IQGAP2: variants seen among roughly 807,000 people sequenced by gnomAD.
IQGAP2 encodes ras GTPase-activating-like protein IQGAP2.
IQGAP2 carries 173 observed loss-of-function variants against 201.3 expected under a neutral mutation model. The ratio of observed to expected loss-of-function variants is 0.86; its 90% CI spans 0.76 to 0.98. The LOEUF is 0.98. Among genes scored for constraint, IQGAP2 ranks in the 50% least tolerant of loss-of-function variants. The probability of loss-of-function intolerance (pLI) is 0.00; values close to 1 mark genes in which losing one functional copy is unlikely to be tolerated. For synonymous variants in IQGAP2, 675 were observed against 673.9 expected (o/e 1.00, Z -0.03); for missense variants, 1,687 against 1,864.8 (o/e 0.90, Z 1.76).
At chr5:76,699,068 C>A (rs1165217207) in intron 33 of IQGAP2, among the ~76,000 whole-genome samples, 2 of 151,114 alleles carry the variant, frequency 1.3e-5, no homozygotes, top group East Asian at 3.9e-4. Context: ...CAATAGATTT[C>A]AAAAAAAAAC....
At chr5:76,644,769 AACTT>A (rs1751894381) in intron 17 of IQGAP2, among the ~76,000 whole-genome samples, 1 of 152,330 alleles carries the variant, frequency 6.6e-6, no homozygotes, top group East Asian at 1.9e-4. Context: ...AAGGAACTAA[AACTT>A]ACAGACTAAA....
At chr5:76,582,819 T>C (rs62362011) in intron 5 of IQGAP2, among the ~76,000 whole-genome samples, 25,692 of 151,188 alleles carry the variant, frequency 0.17, 2,349 homozygotes, top group Admixed American at 0.29. Context: ...ACTACTTTCA[T>C]GATATACACT....
chr5:76,461,158 G>C (rs569394361), intron 1 of IQGAP2, among the ~76,000 whole-genome samples: 1 of 151,846 alleles, frequency 6.6e-6, no homozygotes, highest in Admixed American at 6.6e-5. Flanking sequence ...GATTACAGGC[G>C]TGAGCCGCCG....
At chr5:76,432,158 C>T (rs1163286053) in intron 1 of IQGAP2, among the ~76,000 whole-genome samples, 2 of 72,386 alleles carry the variant, frequency 2.8e-5, no homozygotes, top group African/African-American at 9.8e-5. Context: ...TGGAGTCTTG[C>T]TCTGTCACCC....
intron 13 of IQGAP2, chr5:76,624,585 G>A (rs988853032): frequency 6.6e-6 from 1 of 151,868 alleles, no homozygotes; most frequent in African/African-American, 2.4e-5. Flanking sequence ...ATTGACAAAG[G>A]TTTTTTTTGT....
intron 1 of IQGAP2, among the ~76,000 whole-genome samples, chr5:76,447,562 T>C (rs529797563): frequency 6.6e-6 from 1 of 152,308 alleles, no homozygotes; most frequent in South Asian, 2.1e-4. Context: ...GGGTCTTGAA[T>C]AAGATGCTTC....
Position 76,600,049 on chromosome 5 carries a change from G to A in IQGAP2, c.1072-763G>A, listed in dbSNP as rs547992967. ...TGTAATCCCAGCACTTTGGGAGGCT[G>A]AGGCAGAAGAATCGCTTGAACCTGG... On this transcript the variant is annotated intron_variant, in intron 10 of 35. Coordinates refer to ENST00000274364, the MANE Select transcript of IQGAP2 (RefSeq NM_006633.5). 2.5e-3 allele frequency among the ~76,000 whole-genome samples: 379 copies of A among 152,284 alleles called. 2 individuals carry two copies. Among genetic ancestry groups the A allele is most frequent in the African/African-American group, 8.4e-3 (348 of 41,552 alleles).
At position 76,545,785 on chromosome 5, in the gene IQGAP2, CAAA is replaced by C. The variant is rs1292781726; in HGVS notation, c.147-16608_147-16606del. The stretch of plus-strand genomic sequence containing the variant: ...TTTTTTCACATGTTGACACACATGA[CAAA>C]AAGTGCATGTACTTTTGTGTTACTG... On this transcript the variant is annotated intron_variant, in intron 2 of 35. Coordinates refer to ENST00000274364, the MANE Select transcript of IQGAP2 (RefSeq NM_006633.5). 3.3e-5 allele frequency among the ~76,000 whole-genome samples: 5 copies of C among 152,242 alleles called. No homozygotes were observed. In the East Asian group the frequency reaches 9.6e-4, roughly 29 times the overall value.
At chr5:76,525,197 GTGT>G (rs534875181) in intron 2 of IQGAP2, among the ~76,000 whole-genome samples, 150 of 152,332 alleles carry the variant, frequency 9.8e-4, no homozygotes, top group Non-Finnish European at 1.8e-3. Flanking sequence ...GATTAGCTTA[GTGT>G]TGTTTCATGA....
chr5:76,457,215 C>A (rs759319217), intron 1 of IQGAP2, among the ~76,000 whole-genome samples: 19 of 152,082 alleles, frequency 1.2e-4, no homozygotes, highest in Non-Finnish European at 2.6e-4. Flanking sequence ...TCTCAAACTC[C>A]TGAACTCAAG....
intron 1 of IQGAP2, among the ~76,000 whole-genome samples, chr5:76,408,538 A>G (rs1037264023): frequency 6.6e-6 from 1 of 152,168 alleles, no homozygotes; most frequent in Non-Finnish European, 1.5e-5. Flanking sequence ...CCCCTGAATC[A>G]TAAATGTTCA....
At chr5:76,429,604 T>G (rs1196243784) in intron 1 of IQGAP2, among the ~76,000 whole-genome samples, 1 of 136,708 alleles carries the variant, frequency 7.3e-6, no homozygotes, top group Non-Finnish European at 1.5e-5. Context: ...ATATGTATAT[T>G]TATATATATA....
At chr5:76,404,875 T>G (rs1439719212) in intron 1 of IQGAP2, among the ~76,000 whole-genome samples, 2 of 149,534 alleles carry the variant, frequency 1.3e-5, no homozygotes. Flanking sequence ...GTGTTTGCAG[T>G]GCCAACCTCA....
chr5:76,695,010 G>C (rs1177848047), intron 31 of IQGAP2, among the ~76,000 whole-genome samples: 1 of 152,138 alleles, frequency 6.6e-6, no homozygotes. Flanking sequence ...CCTTACTGTT[G>C]GTTTAGTTTA....
chr5:76,671,271 AAAG>A (rs200559421), intron 23 of IQGAP2, among the ~76,000 whole-genome samples: 1,634 of 152,282 alleles, frequency 0.011, 28 homozygotes, highest in African/African-American at 0.037. Context: ...AAAAAGAAAA[AAAG>A]AAATATACAC....
intron 1 of IQGAP2, among the ~76,000 whole-genome samples, chr5:76,421,530 T>C (rs1302822105): frequency 6.6e-6 from 1 of 152,056 alleles, no homozygotes; most frequent in Non-Finnish European, 1.5e-5. Context: ...GATGGGAGGA[T>C]CACTTGAGCC....
intron 9 of IQGAP2, among the ~76,000 whole-genome samples, chr5:76,596,186 G>A (rs1747020614): frequency 6.6e-6 from 1 of 152,142 alleles, no homozygotes; most frequent in Non-Finnish European, 1.5e-5. Context: ...TTGTCATCTT[G>A]TCAAAAAGGG....
intron 2 of IQGAP2, among the ~76,000 whole-genome samples, chr5:76,491,456 T>G (rs906979812): frequency 6.6e-6 from 1 of 152,102 alleles, no homozygotes; most frequent in African/African-American, 2.4e-5. Context: ...TATGCAGGAT[T>G]TCTTTTTTAT....
At chr5:76,607,451 G>C (rs1371977706) in intron 12 of IQGAP2, 1 of 152,096 alleles carries the variant, frequency 6.6e-6, no homozygotes, top group East Asian at 1.9e-4. Flanking sequence ...CTGATCCCTG[G>C]ACACTTTCAT....
Sources: allele counts gnomAD v4.1 joint callset (sites outside exome capture counted in the v4.1 genomes callset), GRCh38; gene constraint gnomAD v4.1.1; transcripts MANE v1.5; gene names NCBI Gene and HGNC (gene_info 2026-07-23, HGNC 2026-07-21).